PXK: variants seen among roughly 807,000 people sequenced by gnomAD.
The protein encoded by PXK is PX domain-containing protein kinase-like protein.
In PXK, 35 loss-of-function variants were observed where a neutral mutation model predicts 84.7. The ratio of observed to expected loss-of-function variants is 0.41; its 90% CI spans 0.32 to 0.55. The LOEUF (loss-of-function observed/expected upper bound fraction) is 0.55, where lower values mean the gene tolerates loss of function less well. Ranked by LOEUF, PXK falls within the 20% of genes least tolerant of loss-of-function variation. PXK has a pLI of 0.21. For synonymous variants in PXK, 253 were observed against 260.8 expected, an observed-to-expected ratio of 0.97 and a Z score of 0.29; for missense variants, 634 against 699.7, an observed-to-expected ratio of 0.91 and a Z score of 1.06.
chr3:58,381,555 C>CAAAAAAAAAAAAAAAA (rs34125797), intron 3 of PXK, among the ~76,000 whole-genome samples: 1 of 120,918 alleles, frequency 8.3e-6, no homozygotes. Flanking sequence ...AATAGAAAAC[C>CAAAAAAAAAAAAAAAA]AAAAAAAAAA....
chr3:58,332,918 G>T lies in PXK; in HGVS notation c.-71G>T. On this transcript the variant is annotated 5_prime_UTR_variant, in exon 1 of 18. Coordinates refer to ENST00000356151, the MANE Select transcript of PXK (RefSeq NM_017771.5). This position sits in a 1 kb window ranked among gnomAD's most constrained non-coding sequence, Gnocchi z 5.6. ...TTGACAGCGGCGGCGGTGGAACCGG[G>T]CGGGCGGCGGGAGTCGGCGCCTCGG... is the stretch of plus-strand genomic sequence containing the variant. The T allele has an allele frequency of 1.0e-6, 1 of 1,004,438 alleles. No homozygotes were observed. Among genetic ancestry groups the T allele is most frequent in the Non-Finnish European group, 1.3e-6 (1 of 781,096 alleles). The allele number at this position is 1,004,438 out of a possible 1,614,324, so 62.2% of individuals were successfully genotyped here. A position where few individuals can be genotyped will look rare whatever the true frequency, so the allele number is the denominator to read the frequency against.
chr3:58,411,200 G>A lies in PXK; in HGVS notation c.1465+1041G>A, dbSNP rs923685922. ...GGGGCGGGAGGAGAAAAGTGTACAAGATGATTAGGCTGCAGCCCAGAGGGC... is the reference window on the plus strand; with the variant it reads ...GGGGCGGGAGGAGAAAAGTGTACAAAATGATTAGGCTGCAGCCCAGAGGGC... On this transcript the variant is annotated intron_variant, in intron 16 of 17. Transcript: ENST00000356151. The surrounding 1 kb of genome is among the most constrained non-coding windows in gnomAD (Gnocchi z 4.2). 1.3e-5 allele frequency among the ~76,000 whole-genome samples: 2 copies of A among 152,220 alleles called. No individual in the cohort carries two copies. The highest frequency in any genetic ancestry group is 4.8e-5 in the African/African-American group (2 of 41,456).
intron 3 of PXK, among the ~76,000 whole-genome samples, chr3:58,375,367 T>C (rs1001630304): frequency 1.3e-5 from 2 of 152,196 alleles, no homozygotes; most frequent in African/African-American, 4.8e-5. Flanking sequence ...AAATGAGCAC[T>C]GTAAACATTT....
At chr3:58,336,071 A>ATATATATATATATTTTT (rs1284780630) in intron 1 of PXK, among the ~76,000 whole-genome samples, 2 of 51,582 alleles carry the variant, frequency 3.9e-5, no homozygotes, top group African/African-American at 1.0e-4. Context: ...ATATATATAT[A>ATATATATATATATTTTT]TTTTTTTTTT....
At chr3:58,340,246 C>T (rs1167383896) in intron 1 of PXK, among the ~76,000 whole-genome samples, 2 of 151,700 alleles carry the variant, frequency 1.3e-5, no homozygotes, top group Non-Finnish European at 2.9e-5. Context: ...CCTCAGCCTC[C>T]TGAGTAGCTG....
At chr3:58,337,837 CTCA>C (rs1212396023) in intron 1 of PXK, among the ~76,000 whole-genome samples, 1 of 152,148 alleles carries the variant, frequency 6.6e-6, no homozygotes, top group Non-Finnish European at 1.5e-5. Flanking sequence ...TCTTCAGCTT[CTCA>C]TCAGTGACCC....
At chr3:58,392,355 G>T (rs6787661) in intron 7 of PXK, among the ~76,000 whole-genome samples, 15,206 of 152,234 alleles carry the variant, frequency 0.1, 987 homozygotes, top group African/African-American at 0.17. Context: ...GAACCACGTT[G>T]ATATATTTCA....
chr3:58,391,299 A>C, intron 6 of PXK, 79 bp downstream of exon 6: 1 of 1,259,250 alleles, frequency 7.9e-7, no homozygotes, highest in Non-Finnish European at 1.2e-6. Flanking sequence ...GAGAATTACA[A>C]AATTGTACTG....
chr3:58,378,508 T>TGTGTGTGTG (rs1478546551), intron 3 of PXK, among the ~76,000 whole-genome samples: 8 of 28,528 alleles, frequency 2.8e-4, no homozygotes, highest in African/African-American at 7.4e-4. Context: ...TTTTTTTTTT[T>TGTGTGTGTG]TTTTTGTGTG....
rs1362432304 is a variant in PXK, at chr3:58,370,060, C to A, written c.201+582C>A. Among the ~76,000 whole-genome samples, 2 of 152,144 alleles carry A rather than the reference C, an allele frequency of 1.3e-5. No homozygotes were observed. The highest frequency in any genetic ancestry group is 3.9e-4 in the East Asian group (2 of 5,184). On this transcript the variant is annotated intron_variant, in intron 3 of 17. Coordinates refer to ENST00000356151, the MANE Select transcript of PXK (RefSeq NM_017771.5). The surrounding 1 kb of genome is among the most constrained non-coding windows in gnomAD (Gnocchi z 4.2). ...GTCATAGGAGGCTGACGTAATATCT[C>A]CTTTTAACAGATGTGGAATGATTGC...
At chr3:58,367,353 T>G (rs970270454) in intron 2 of PXK, among the ~76,000 whole-genome samples, 6 of 152,062 alleles carry the variant, frequency 3.9e-5, no homozygotes, top group African/African-American at 1.4e-4. Context: ...CACGCCATTC[T>G]CCTGCCTTAG....
rs9877469 is a variant in PXK, at chr3:58,371,235, G to C, written c.201+1757G>C. Among the ~76,000 whole-genome samples, 98 of 152,192 alleles carry C rather than the reference G, an allele frequency of 6.4e-4. 2 individuals are homozygous for C. The highest frequency in any genetic ancestry group is 7.3e-5 in the Non-Finnish European group (5 of 68,054). ...TCAGATAGAATATTGGCAGACATCA[G>C]ATTCTCATCAGTGGGTTTAATTGGT... On this transcript the variant is annotated intron_variant, in intron 3 of 17. Transcript: ENST00000356151.
intron 17 of PXK, among the ~76,000 whole-genome samples, chr3:58,419,585 A>G (rs1196478333): frequency 6.6e-6 from 1 of 152,226 alleles, no homozygotes; most frequent in Non-Finnish European, 1.5e-5. Flanking sequence ...TTTTACACAG[A>G]AAGGTGGAGG....
intron 8 of PXK, 100 bp from the exon 9 acceptor site, chr3:58,395,558 G>A: frequency 1.2e-6 from 1 of 847,024 alleles, no homozygotes; most frequent in Non-Finnish European, 1.9e-6. Flanking sequence ...GCCATCTCTG[G>A]CGCCCCTAGC....
At chr3:58,378,504 T>C (rs1405529900) in intron 3 of PXK, among the ~76,000 whole-genome samples, 4 of 72,728 alleles carry the variant, frequency 5.5e-5, no homozygotes, top group African/African-American at 2.0e-4. Flanking sequence ...TTTTTTTTTT[T>C]TTTTTTTTTG....
intron 1 of PXK, 53 bp from the exon 2 acceptor site, chr3:58,365,821 G>T: frequency 3.7e-6 from 5 of 1,354,936 alleles, no homozygotes; most frequent in South Asian, 3.0e-5. Context: ...TCCCTGCTTT[G>T]GGAATCAAAC....
chr3:58,359,327 C>A (rs370353947), intron 1 of PXK, among the ~76,000 whole-genome samples: 4 of 151,712 alleles, frequency 2.6e-5, no homozygotes, highest in African/African-American at 9.7e-5. Context: ...GTCAGGAGAT[C>A]GAGACCATCC....
chr3:58,345,135 T>G (rs1575722353), intron 1 of PXK, among the ~76,000 whole-genome samples: 1 of 152,058 alleles, frequency 6.6e-6, no homozygotes, highest in African/African-American at 2.4e-5. Flanking sequence ...AAAGCAAAGA[T>G]GAAGCAAAGT....
chr3:58,405,212 C>T (rs2059209807), intron 13 of PXK, among the ~76,000 whole-genome samples: 2 of 152,148 alleles, frequency 1.3e-5, no homozygotes, highest in African/African-American at 2.4e-5. Flanking sequence ...GGAGACTTCA[C>T]TGTGTATGTG....
Sources: gnomAD v4.1 joint callset for allele counts (sites outside exome capture counted in the v4.1 genomes callset) on GRCh38, gnomAD v4.1.1 for gene constraint, Gnocchi (gnomAD v3.1) non-coding constraint, MANE v1.5 for transcripts, NCBI Gene and HGNC (gene_info 2026-07-23, HGNC 2026-07-21) for gene names.